Variants in DTX4 observed in about 807,000 individuals in gnomAD.
DTX4 encodes deltex E3 ubiquitin ligase 4.
Under a neutral mutation model 57.6 loss-of-function variants are expected in DTX4, and 28 were observed. The observed-to-expected ratio is 0.49, with a 90% CI of 0.36 to 0.67. The LOEUF is 0.67. Ranked by LOEUF, DTX4 falls within the 30% of genes least tolerant of loss-of-function variation. The pLI is 0.00. For missense variants in DTX4, 715 were observed against 836.8 expected (o/e 0.85, Z 1.80); for synonymous variants, 316 against 331.0 (o/e 0.95, Z 0.49).
intron 1 of DTX4, among the ~76,000 whole-genome samples, chr11:59,179,586 C>A (rs940919047): frequency 6.6e-6 from 1 of 152,110 alleles, no homozygotes; most frequent in Non-Finnish European, 1.5e-5. Flanking sequence ...ACCCCTGGGT[C>A]CCCTCTCTGC....
chr11:59,183,466 G>A (rs1447972177), intron 2 of DTX4, among the ~76,000 whole-genome samples: 1 of 152,110 alleles, frequency 6.6e-6, no homozygotes, highest in Non-Finnish European at 1.5e-5. Flanking sequence ...TCCATATGGT[G>A]GCTGCAACCT....
chr11:59,192,067 A>G lies in DTX4; in HGVS notation c.1222-31A>G, dbSNP rs375172205. 5.0e-6 allele frequency: 8 copies of G among 1,598,234 alleles called. No homozygotes were observed. The African/African-American group carries it at 8.0e-5, about 16-fold the overall frequency. ...TCTCCCAGGCTGAGTGAGAGCTGACAGCCTCTCTGCTGTGTCTCCTCCCTC... is the reference window on the plus strand; with the variant it reads ...TCTCCCAGGCTGAGTGAGAGCTGACGGCCTCTCTGCTGTGTCTCCTCCCTC... On this transcript the variant is annotated intron_variant, in intron 5 of 8. Coordinates refer to ENST00000227451, the MANE Select transcript of DTX4 (RefSeq NM_015177.2).
rs1188100347 is a variant in DTX4 at position 59,207,540 on chromosome 11, T to C, written c.*2631T>C. 1 of 152,764 alleles carries C rather than the reference T, an allele frequency of 6.5e-6. No individual in the cohort carries two copies. Among genetic ancestry groups the C allele is most frequent in the East Asian group, 1.9e-4 (1 of 5,200 alleles). 9.5% of individuals were successfully genotyped at this position (152,764 alleles called of 1,614,324 possible). On this transcript the variant is annotated 3_prime_UTR_variant, in exon 9 of 9. Coordinates refer to ENST00000227451, the MANE Select transcript of DTX4 (RefSeq NM_015177.2). ...CCCGGCAAGGCGGGGAGCATTCCTCTGCCCTTTGTCTTGTGCCAACCTGGA... is the reference window on the plus strand; with the variant it reads ...CCCGGCAAGGCGGGGAGCATTCCTCCGCCCTTTGTCTTGTGCCAACCTGGA...
chr11:59,200,767 G>T (rs1565221929), intron 8 of DTX4, among the ~76,000 whole-genome samples: 1 of 152,224 alleles, frequency 6.6e-6, no homozygotes, highest in African/African-American at 2.4e-5. Flanking sequence ...GAAAATCATT[G>T]GATTTTCAAA....
chr11:59,173,833 G>T (rs114005728), intron 1 of DTX4, among the ~76,000 whole-genome samples: 3 of 152,108 alleles, frequency 2.0e-5, no homozygotes, highest in African/African-American at 4.8e-5. Flanking sequence ...CTCTTTGCTC[G>T]GTCCTTGCTT....
In DTX4 at chr11:59,201,255, AC is replaced by A. The variant is rs1302229168; in HGVS notation, c.1626+1485del. On this transcript the variant is annotated intron_variant, in intron 8 of 8. Coordinates refer to ENST00000227451, the MANE Select transcript of DTX4 (RefSeq NM_015177.2). ...TCATTACCTAATCACCTCTCCAAGG[AC>A]CCACCTTCTAATACTGTCACCTTGG... Among the ~76,000 whole-genome samples the A allele has an allele frequency of 3.9e-5, 6 of 152,332 alleles. No homozygotes were observed. The South Asian group carries it at 8.3e-4, about 21-fold the overall frequency.
chr11:59,180,830 G>A (rs953099383), intron 1 of DTX4, among the ~76,000 whole-genome samples: 3 of 152,098 alleles, frequency 2.0e-5, no homozygotes, highest in Admixed American at 6.5e-5. Context: ...CCTCTTCCCG[G>A]CCCCAAAGTG....
chr11:59,195,303 C>T lies in DTX4; in HGVS notation c.1470C>T (p.His490=). 6.2e-7 allele frequency: 1 copy of T among 1,614,030 alleles called. No homozygotes were observed. Among genetic ancestry groups the T allele is most frequent in the Non-Finnish European group, 8.5e-7 (1 of 1,179,880 alleles). ...AGATGGAGTACCACCTCATCCCCCA[C>T]TCCTTGCCTGGCCACCCAGACTGCA... The part of the protein sequence containing the change: ...PGKMEYHLIP[H]SLPGHPDCKT... The change falls in exon 7 of 9, where the codon CAC becomes CAT. Residue 490 remains histidine, a synonymous_variant. Coordinates refer to ENST00000227451, the MANE Select transcript of DTX4 (RefSeq NM_015177.2).
In DTX4 at chr11:59,208,399, T is replaced by A. The variant is rs1293443391; in HGVS notation, c.*3490T>A. ...GGAACAGACCACATTGCTGGGAAAA[T>A]GAGTAAGTGAACGTGTGGGAGAAAA... On this transcript the variant is annotated 3_prime_UTR_variant, in exon 9 of 9. Coordinates refer to ENST00000227451, the MANE Select transcript of DTX4 (RefSeq NM_015177.2). 1 of 152,102 alleles carries A rather than the reference T, an allele frequency of 6.6e-6. No individual in the cohort carries two copies. Among genetic ancestry groups the A allele is most frequent in the Non-Finnish European group, 1.5e-5 (1 of 68,016 alleles). The allele number at this position is 152,102 out of a possible 1,614,324, so 9.4% of individuals were successfully genotyped here.
At chr11:59,186,907 G>A (rs553649803) in intron 2 of DTX4, among the ~76,000 whole-genome samples, 3 of 152,310 alleles carry the variant, frequency 2.0e-5, no homozygotes, top group South Asian at 2.1e-4. Flanking sequence ...GAAGAAAAGC[G>A]GCTTTGGGTG....
rs930687325 is a variant in DTX4 at position 59,180,727 on chromosome 11, A to C, written c.212-1012A>C. Among the ~76,000 whole-genome samples the C allele has an allele frequency of 2.0e-5, 3 of 152,076 alleles. No homozygotes were observed. The South Asian group carries it at 6.2e-4, about 32-fold the overall frequency. On this transcript the variant is annotated intron_variant, in intron 1 of 8. Coordinates refer to ENST00000227451, the MANE Select transcript of DTX4 (RefSeq NM_015177.2). Reference sequence around the variant, plus strand: ...AGGATGAGTCAGGATTCAGGTTTTGAGTGAGGGAGAAAGAGGCAACAGTTA... The same window carrying C: ...AGGATGAGTCAGGATTCAGGTTTTGCGTGAGGGAGAAAGAGGCAACAGTTA...
Position 59,188,731 on chromosome 11 carries a change from A to T in DTX4, c.936-4A>T. The T allele has an allele frequency of 6.2e-7, 1 of 1,613,570 alleles. No individual in the cohort carries two copies. Among genetic ancestry groups the T allele is most frequent in the Non-Finnish European group, 8.5e-7 (1 of 1,179,552 alleles). ...GACATTGTATCTGCTCTTTCCTTTCACAGGGTCCCCACAGTCCCAGTGAAG... is the reference window on the plus strand; with the variant it reads ...GACATTGTATCTGCTCTTTCCTTTCTCAGGGTCCCCACAGTCCCAGTGAAG... On this transcript the variant is annotated splice_region_variant and splice_polypyrimidine_tract_variant and intron_variant, in intron 2 of 8. Coordinates refer to ENST00000227451, the MANE Select transcript of DTX4 (RefSeq NM_015177.2).
At chr11:59,191,052 G>A (rs1318072820) in intron 4 of DTX4, 62 bp from the exon 5 acceptor site, 13 of 1,497,264 alleles carry the variant, frequency 8.7e-6, no homozygotes, top group Middle Eastern at 1.7e-4. Context: ...TGTCTAGCAC[G>A]ACAAGGCTGT....
At chr11:59,198,883 T>A (rs947671165) in intron 7 of DTX4, among the ~76,000 whole-genome samples, 1 of 152,190 alleles carries the variant, frequency 6.6e-6, no homozygotes, top group African/African-American at 2.4e-5. Flanking sequence ...TTTGCCGCTT[T>A]TCATGAGCTT....
chr11:59,179,003 G>C (rs1862428261), intron 1 of DTX4, among the ~76,000 whole-genome samples: 1 of 151,464 alleles, frequency 6.6e-6, no homozygotes, highest in African/African-American at 2.4e-5. Flanking sequence ...CAGAAGTTCT[G>C]GGACAACTCT....
chr11:59,196,054 A>G (rs551190627), intron 7 of DTX4, among the ~76,000 whole-genome samples: 2 of 152,336 alleles, frequency 1.3e-5, no homozygotes, highest in South Asian at 4.1e-4. Context: ...CCTTCACACA[A>G]TGAAGCTTTT....
At chr11:59,191,319 G>T in intron 5 of DTX4, 144 bp downstream of exon 5, 1 of 778,792 alleles carries the variant, frequency 1.3e-6, no homozygotes, top group Non-Finnish European at 2.0e-6. Context: ...GACACTGAGG[G>T]TTCAAGGTCC....
rs987520914 is a variant in DTX4, at chr11:59,172,252, G to A, written c.-344G>A. On this transcript the variant is annotated 5_prime_UTR_variant, in exon 1 of 9. Transcript: ENST00000227451. The stretch of plus-strand genomic sequence containing the variant: ...CCCCAGCTCGCGGCCGCCGGGGCTC[G>A]GGCCGCGCGCCCGCCGAGTGGCTTT... Among the ~76,000 whole-genome samples, 1 of 152,040 alleles carries A rather than the reference G, an allele frequency of 6.6e-6. No individual in the cohort carries two copies. Among genetic ancestry groups the A allele is most frequent in the Non-Finnish European group, 1.5e-5 (1 of 67,958 alleles).
chr11:59,184,454 T>G (rs766496999), intron 2 of DTX4, among the ~76,000 whole-genome samples: 2 of 152,252 alleles, frequency 1.3e-5, no homozygotes, highest in Non-Finnish European at 2.9e-5. Flanking sequence ...GCTTGACACA[T>G]AAGAGTTCAG....
Sources: gnomAD v4.1 joint callset for allele counts (sites outside exome capture counted in the v4.1 genomes callset) on GRCh38, gnomAD v4.1.1 for gene constraint, MANE v1.5 for transcripts, NCBI Gene and HGNC (gene_info 2026-07-23, HGNC 2026-07-21) for gene names.